The following SETBP1 variants were observed in gnomAD, a reference collection of about 807,000 sequenced individuals.
The protein encoded by SETBP1 is SET-binding protein.
A neutral mutation model predicts 101.0 loss-of-function variants in SETBP1; 9 were observed. The observed-to-expected ratio is 0.09, with a 90% CI of 0.05 to 0.16. The LOEUF (loss-of-function observed/expected upper bound fraction) is 0.16, where lower values mean the gene tolerates loss of function less well. Ranked by LOEUF, SETBP1 falls within the 10% of genes least tolerant of loss-of-function variation. The probability of loss-of-function intolerance (pLI) is 1.00; values close to 1 mark genes in which losing one functional copy is unlikely to be tolerated. For missense variants in SETBP1, 1,858 were observed against 2,033.8 expected (o/e 0.91, Z 1.66); for synonymous variants, 818 against 788.5 (o/e 1.04, Z -0.63).
rs1350806964 is a variant in SETBP1 at position 45,068,268 on chromosome 18, A to G, written c.*4570A>G. 1 of 152,156 alleles carries G rather than the reference A, an allele frequency of 6.6e-6. No homozygotes were observed. The highest frequency in any genetic ancestry group is 1.5e-5 in the Non-Finnish European group (1 of 68,026). 9.4% of individuals were successfully genotyped at this position (152,156 alleles called of 1,614,324 possible). On this transcript the variant is annotated 3_prime_UTR_variant, in exon 6 of 6. Transcript: ENST00000649279. ...TTTTATTCATAAAGCATTTTTGTAC[A>G]TTTAAAATGAACATGGACTTGCTGT...
At chr18:45,015,251 T>C (rs781750206) in intron 4 of SETBP1, among the ~76,000 whole-genome samples, 2 of 152,208 alleles carry the variant, frequency 1.3e-5, no homozygotes, top group Non-Finnish European at 2.9e-5. Flanking sequence ...TTCCACTCTC[T>C]ACTCTAGGGG....
chr18:44,971,688 C>T, intron 4 of SETBP1, among the ~76,000 whole-genome samples: 1 of 152,184 alleles, frequency 6.6e-6, no homozygotes, highest in East Asian at 1.9e-4. Flanking sequence ...TGAGAAGTGT[C>T]TGTTCATATC....
At chr18:44,891,134 GA>G (rs2069759517) in intron 3 of SETBP1, among the ~76,000 whole-genome samples, 1 of 152,104 alleles carries the variant, frequency 6.6e-6, no homozygotes, top group Admixed American at 6.5e-5. Context: ...CTTGTGCAGA[GA>G]AACTCTCCCT....
chr18:44,810,682 T>C (rs1387399817), intron 2 of SETBP1, among the ~76,000 whole-genome samples: 1 of 152,218 alleles, frequency 6.6e-6, no homozygotes, highest in Non-Finnish European at 1.5e-5. Context: ...AGTAGTTTTC[T>C]AGAACTTGAG....
At chr18:44,881,288 A>C (rs1466150738) in intron 3 of SETBP1, among the ~76,000 whole-genome samples, 1 of 152,212 alleles carries the variant, frequency 6.6e-6, no homozygotes, top group Non-Finnish European at 1.5e-5. Context: ...ACCCACCTCA[A>C]ACCCATTGCA....
intron 5 of SETBP1, among the ~76,000 whole-genome samples, chr18:45,040,102 A>G (rs2145501439): frequency 6.6e-6 from 1 of 152,274 alleles, no homozygotes; most frequent in South Asian, 2.1e-4. Context: ...CTGTCTCCTA[A>G]CATCTCTTGG....
intron 2 of SETBP1, among the ~76,000 whole-genome samples, chr18:44,787,860 C>A (rs1369317119): frequency 6.9e-3 from 64 of 9,212 alleles, no homozygotes; most frequent in African/African-American, 0.02. Context: ...GAGTCCGTCT[C>A]AAAAAAAAAA....
intron 5 of SETBP1, among the ~76,000 whole-genome samples, chr18:45,049,253 A>G (rs1250715046): frequency 2.6e-5 from 4 of 152,216 alleles, no homozygotes; most frequent in African/African-American, 9.6e-5. Context: ...GTAAGCAGAC[A>G]GAAGCTAGGA....
chr18:44,815,029 A>G (rs930754938), intron 2 of SETBP1, among the ~76,000 whole-genome samples: 1 of 152,222 alleles, frequency 6.6e-6, no homozygotes, highest in Non-Finnish European at 1.5e-5. Flanking sequence ...GCCTCATATG[A>G]CAGACCCTGA....
intron 3 of SETBP1, among the ~76,000 whole-genome samples, chr18:44,889,062 A>G (rs577181080): frequency 6.6e-6 from 1 of 152,252 alleles, no homozygotes; most frequent in African/African-American, 2.4e-5. Flanking sequence ...AAAGTTGAAT[A>G]TATTTCCTAG....
chr18:44,986,981 T>A (rs1042513398), intron 4 of SETBP1: 3 of 152,084 alleles, frequency 2.0e-5, no homozygotes, highest in Non-Finnish European at 4.4e-5. Context: ...AGTAACATAG[T>A]CGTTTATTAT....
At chr18:44,784,100 C>G (rs920035800) in intron 2 of SETBP1, among the ~76,000 whole-genome samples, 1 of 152,182 alleles carries the variant, frequency 6.6e-6, no homozygotes, top group Admixed American at 6.5e-5. Flanking sequence ...AGACAATTCT[C>G]TCTTGCACTA....
chr18:44,854,320 G>A (rs185723800), intron 2 of SETBP1, among the ~76,000 whole-genome samples: 43 of 152,294 alleles, frequency 2.8e-4, no homozygotes, highest in Non-Finnish European at 5.3e-4. Context: ...CAGACTCACT[G>A]CGTTTATCTG....
chr18:44,952,346 C>T lies in SETBP1; in HGVS notation c.3006C>T (p.Asp1002=), dbSNP rs1157408711. The part of the protein sequence containing the change: ...HYYPVPYIQY[D]PLLYLRRTSD... Reference sequence around the variant, plus strand: ...ACCCGGTGCCATATATCCAGTATGACCCGTTGCTCTATCTTCGTAGGACTT... The same window carrying T: ...ACCCGGTGCCATATATCCAGTATGATCCGTTGCTCTATCTTCGTAGGACTT... Residue 1002 remains aspartate, a synonymous_variant, in exon 4 of 6, where the codon GAC becomes GAT. Coordinates refer to ENST00000649279, the MANE Select transcript of SETBP1 (RefSeq NM_015559.3). The T allele has an allele frequency of 3.1e-6, 5 of 1,613,956 alleles. No homozygotes were observed. The highest frequency in any genetic ancestry group is 1.7e-5 in the Admixed American group (1 of 59,992).
chr18:44,988,845 C>T (rs2072295068), intron 4 of SETBP1: 2 of 152,128 alleles, frequency 1.3e-5, no homozygotes, highest in Admixed American at 1.3e-4. Context: ...AGACAGTTCT[C>T]ATATGAATAG....
chr18:45,016,694 G>C (rs994113353), intron 4 of SETBP1, among the ~76,000 whole-genome samples: 1 of 151,466 alleles, frequency 6.6e-6, no homozygotes, highest in African/African-American at 2.4e-5. Context: ...GGATCTCCAG[G>C]GCTCTGGGCA....
chr18:45,007,290 A>G (rs1599439994), intron 4 of SETBP1, among the ~76,000 whole-genome samples: 1 of 152,146 alleles, frequency 6.6e-6, no homozygotes, highest in Non-Finnish European at 1.5e-5. Context: ...GTGCAGTCAC[A>G]TCCTGTATTA....
At chr18:44,731,757 C>A (rs1399826735) in intron 2 of SETBP1, among the ~76,000 whole-genome samples, 1 of 152,084 alleles carries the variant, frequency 6.6e-6, no homozygotes, top group Non-Finnish European at 1.5e-5. Flanking sequence ...TTCTGCCACC[C>A]GACAAACACG....
chr18:44,722,641 G>A (rs1294782549), intron 2 of SETBP1, among the ~76,000 whole-genome samples: 1 of 152,204 alleles, frequency 6.6e-6, no homozygotes, highest in Non-Finnish European at 1.5e-5. Context: ...TTCCAGTGGT[G>A]AGCATCACGT....
Sources: gnomAD v4.1 joint callset for allele counts (sites outside exome capture counted in the v4.1 genomes callset) on GRCh38, gnomAD v4.1.1 for gene constraint, MANE v1.5 for transcripts, NCBI Gene and HGNC (gene_info 2026-07-23, HGNC 2026-07-21) for gene names.